Variants in NCALD observed in about 807,000 individuals in gnomAD.
NCALD encodes neurocalcin-delta.
A neutral mutation model predicts 18.6 loss-of-function variants in NCALD; 10 were observed. That is an observed-to-expected ratio of 0.54 (90% confidence interval 0.33 to 0.91). NCALD has a LOEUF of 0.91. Among genes scored for constraint, NCALD ranks in the 40% least tolerant of loss-of-function variants. The probability of loss-of-function intolerance (pLI) is 0.03; values close to 1 mark genes in which losing one functional copy is unlikely to be tolerated. For missense variants in NCALD, 184 were observed against 247.6 expected, an observed-to-expected ratio of 0.74 and a Z score of 1.72; for synonymous variants, 88 against 87.4, an observed-to-expected ratio of 1.01 and a Z score of -0.04.
intron 2 of NCALD, among the ~76,000 whole-genome samples, chr8:101,923,173 C>T (rs1239320928): frequency 6.6e-6 from 1 of 152,210 alleles, no homozygotes; most frequent in Non-Finnish European, 1.5e-5. Context: ...AGGCAGACAG[C>T]AGCCCTCACC....
intron 4 of NCALD, chr8:101,872,217 C>T: frequency 1.3e-6 from 2 of 1,512,644 alleles, no homozygotes; most frequent in South Asian, 1.1e-5. Context: ...CCCACAAGCC[C>T]TCACTGGCTT....
intron 3 of NCALD, among the ~76,000 whole-genome samples, chr8:101,906,454 T>C (rs1388283862): frequency 6.6e-6 from 1 of 152,190 alleles, no homozygotes; most frequent in Non-Finnish European, 1.5e-5. Context: ...TGACTCAACT[T>C]TGCCATTGAG....
At chr8:101,910,899 T>C (rs1202115822) in intron 3 of NCALD, among the ~76,000 whole-genome samples, 4 of 152,242 alleles carry the variant, frequency 2.6e-5, no homozygotes, top group Non-Finnish European at 5.9e-5. Flanking sequence ...AATTTAGCCC[T>C]GATCAACAAT....
intron 1 of NCALD, among the ~76,000 whole-genome samples, chr8:102,076,727 A>T (rs1824361571): frequency 6.6e-6 from 1 of 152,256 alleles, no homozygotes; most frequent in Admixed American, 6.5e-5. Flanking sequence ...ATGCTGGTGA[A>T]CAGGTAACTA....
intron 2 of NCALD, among the ~76,000 whole-genome samples, chr8:101,717,605 T>A (rs1563689820): frequency 6.6e-6 from 1 of 152,178 alleles, no homozygotes; most frequent in East Asian, 1.9e-4. Context: ...AAGAGATATT[T>A]AGAAAGGCAC....
At chr8:101,928,169 C>T (rs1365346038) in intron 2 of NCALD, among the ~76,000 whole-genome samples, 1 of 152,120 alleles carries the variant, frequency 6.6e-6, no homozygotes, top group East Asian at 1.9e-4. Context: ...TCCAATCTCT[C>T]AATGATCGCG....
In NCALD at chr8:102,057,984, T is replaced by C. The variant is rs578111054; in HGVS notation, c.-209-37695A>G. ...ACTATTGCTCAGAGAAAGTATTCAA[T>C]AAATATCAGCTGATGAGCATTTGAA... On this transcript the variant is annotated intron_variant, in intron 1 of 6. Coordinates refer to the NCALD transcript ENST00000311028. Among the ~76,000 whole-genome samples the C allele has an allele frequency of 7.4e-4, 112 of 152,340 alleles. 1 individual carries two copies. The highest frequency in any genetic ancestry group is 6.8e-3 in the South Asian group (33 of 4,834).
chr8:102,080,450 T>C (rs1824490360), intron 1 of NCALD, among the ~76,000 whole-genome samples: 1 of 152,180 alleles, frequency 6.6e-6, no homozygotes, highest in African/African-American at 2.4e-5. Context: ...AGATTTTAAG[T>C]GCTGGCTCCT....
chr8:101,891,304 C>T (rs891368062), intron 3 of NCALD, among the ~76,000 whole-genome samples: 5 of 152,208 alleles, frequency 3.3e-5, no homozygotes, highest in Non-Finnish European at 5.9e-5. Context: ...TTGACAATCA[C>T]TAATCTGTTC....
At chr8:101,734,767 C>A (rs759378571) in intron 1 of NCALD, among the ~76,000 whole-genome samples, 3 of 152,162 alleles carry the variant, frequency 2.0e-5, no homozygotes, top group Non-Finnish European at 4.4e-5. Flanking sequence ...CTTCAATTAC[C>A]AGGCTAATAA....
intron 1 of NCALD, chr8:101,788,645 T>C (rs1401073407): frequency 6.6e-6 from 1 of 152,194 alleles, no homozygotes; most frequent in Admixed American, 6.5e-5. Flanking sequence ...TTTATGCATG[T>C]AAAAACATAA....
chr8:101,689,287 A>G lies in NCALD; in HGVS notation c.*22T>C. 7.5e-6 allele frequency: 12 copies of G among 1,610,622 alleles called. No homozygotes were observed. The highest frequency in any genetic ancestry group is 1.0e-5 in the Non-Finnish European group (12 of 1,177,974). ...AAAAGGGAACACAAGCAGCTCTACA[A>G]TTCGATTGGTGGGCGCAGGGCTCAG... On this transcript the variant is annotated 3_prime_UTR_variant, in exon 4 of 4. Transcript: ENST00000220931. The surrounding 1 kb of genome is among the most constrained non-coding windows in gnomAD (Gnocchi z 4.4).
At position 101,882,950 on chromosome 8, in the gene NCALD, G is replaced by A. The variant is rs933216820; in HGVS notation, c.-20+4191C>T. ...ATATGAAATAACAACTTTTGAGAAT[G>A]TGAGAAAGAAATCCATCTCCTTAAA... On this transcript the variant is annotated intron_variant, in intron 4 of 6. Coordinates refer to the NCALD transcript ENST00000311028. 2.0e-5 allele frequency among the ~76,000 whole-genome samples: 3 copies of A among 152,238 alleles called. No homozygotes were observed. The East Asian group carries it at 5.8e-4, about 29-fold the overall frequency.
chr8:101,734,533 T>C (rs749488326), intron 1 of NCALD, among the ~76,000 whole-genome samples: 17 of 152,238 alleles, frequency 1.1e-4, no homozygotes, highest in Non-Finnish European at 2.1e-4. Flanking sequence ...TTTATTGTCA[T>C]TGACAAATTG....
chr8:101,719,219 C>T, intron 2 of NCALD, 33 bp downstream of exon 2: 3 of 1,592,910 alleles, frequency 1.9e-6, no homozygotes, highest in Non-Finnish European at 2.6e-6. Flanking sequence ...GAGATACATG[C>T]CCTTCTTTTT....
intron 4 of NCALD, among the ~76,000 whole-genome samples, chr8:101,801,866 C>A (rs1046623723): frequency 6.6e-6 from 1 of 151,744 alleles, no homozygotes; most frequent in Non-Finnish European, 1.5e-5. Context: ...CGGGGTTTCA[C>A]CCTGTTAGCC....
At chr8:102,022,126 A>G (rs1197334916) in intron 1 of NCALD, among the ~76,000 whole-genome samples, 1 of 152,146 alleles carries the variant, frequency 6.6e-6, no homozygotes, top group African/African-American at 2.4e-5. Context: ...GGTGCCTCCC[A>G]TTGGCCAAAT....
At chr8:101,965,429 C>A (rs1819986346) in intron 2 of NCALD, among the ~76,000 whole-genome samples, 1 of 152,170 alleles carries the variant, frequency 6.6e-6, no homozygotes, top group African/African-American at 2.4e-5. Flanking sequence ...GAATACTATG[C>A]AGCCATAAAA....
At chr8:101,775,695 G>A (rs1194875912) in intron 1 of NCALD, among the ~76,000 whole-genome samples, 1 of 152,136 alleles carries the variant, frequency 6.6e-6, no homozygotes, top group East Asian at 1.9e-4. Context: ...TCCAGATGGA[G>A]GTTGGAGTAA....
Sources: gnomAD v4.1 joint callset for allele counts (sites outside exome capture counted in the v4.1 genomes callset) on GRCh38, gnomAD v4.1.1 for gene constraint, Gnocchi (gnomAD v3.1) non-coding constraint, MANE v1.5 for transcripts, NCBI Gene and HGNC (gene_info 2026-07-23, HGNC 2026-07-21) for gene names.